Variants in TTC17 observed in about 807,000 individuals in gnomAD.
TTC17 encodes tetratricopeptide repeat domain 17, also known as tetratricopeptide repeat protein 17.
TTC17 carries 58 observed loss-of-function variants against 143.8 expected under a neutral mutation model. The ratio of observed to expected loss-of-function variants is 0.40; its 90% CI spans 0.33 to 0.50. The LOEUF (loss-of-function observed/expected upper bound fraction) is 0.50, where lower values mean the gene tolerates loss of function less well. Among genes scored for constraint, TTC17 ranks in the 20% least tolerant of loss-of-function variants. TTC17 has a pLI of 0.49. For synonymous variants in TTC17, 501 were observed against 497.8 expected, an observed-to-expected ratio of 1.01 and a Z score of -0.09; for missense variants, 1,273 against 1,392.5, an observed-to-expected ratio of 0.91 and a Z score of 1.37.
chr11:43,372,799 T>C (rs1433037828), intron 1 of TTC17, among the ~76,000 whole-genome samples: 1 of 152,054 alleles, frequency 6.6e-6, no homozygotes, highest in Non-Finnish European at 1.5e-5. Flanking sequence ...CCAAAAGTTT[T>C]AGTATAGGAT....
chr11:43,448,214 G>T, intron 19 of TTC17, 92 bp downstream of exon 19: 2 of 1,525,640 alleles, frequency 1.3e-6, no homozygotes, highest in African/African-American at 1.4e-5. Context: ...GCTAGTAGAA[G>T]AGTTATCCTT....
At chr11:43,397,028 A>G (rs185061077) in intron 6 of TTC17, 3 of 465,950 alleles carry the variant, frequency 6.4e-6, no homozygotes, top group East Asian at 3.1e-5. Context: ...TTCCATTTCC[A>G]TTAAGGAAAA....
At chr11:43,422,748 AT>A (rs1700847046) in intron 16 of TTC17, among the ~76,000 whole-genome samples, 1 of 152,066 alleles carries the variant, frequency 6.6e-6, no homozygotes, top group Non-Finnish European at 1.5e-5. Context: ...TAACATGGAG[AT>A]TGTTGGTAAT....
intron 16 of TTC17, among the ~76,000 whole-genome samples, chr11:43,435,903 T>C (rs1947281261): frequency 6.6e-6 from 1 of 152,222 alleles, no homozygotes; most frequent in Non-Finnish European, 1.5e-5. Flanking sequence ...TCTTGGGGCT[T>C]GATCTTTGTT....
At chr11:43,366,231 T>C (rs1933753356) in intron 1 of TTC17, among the ~76,000 whole-genome samples, 1 of 152,150 alleles carries the variant, frequency 6.6e-6, no homozygotes, top group South Asian at 2.1e-4. Flanking sequence ...CTATCATTAC[T>C]CTAATTCAGG....
chr11:43,445,092 C>T (rs747721229), intron 18 of TTC17, among the ~76,000 whole-genome samples: 2 of 152,074 alleles, frequency 1.3e-5, no homozygotes, highest in African/African-American at 2.4e-5. Flanking sequence ...CATAACACAT[C>T]TATGCTGCAT....
intron 16 of TTC17, among the ~76,000 whole-genome samples, chr11:43,442,577 T>C (rs1262718586): frequency 1.3e-5 from 2 of 152,212 alleles, no homozygotes; most frequent in Admixed American, 6.5e-5. Flanking sequence ...AAACTCGGGC[T>C]AATTTTGCCT....
Position 43,404,942 on chromosome 11 carries a change from G to A in TTC17, c.1480-572G>A, listed in dbSNP as rs185480466. Among the ~76,000 whole-genome samples, 402 of 152,188 alleles carry A rather than the reference G, an allele frequency of 2.6e-3. 1 individual carries two copies. Among genetic ancestry groups the A allele is most frequent in the African/African-American group, 9.4e-3 (390 of 41,526 alleles). Reference sequence around the variant, plus strand: ...TCAATGCCAGGTTTTATAGGCTTATGTATGCTTTCAGGTACAAGTCATAAG... The same window carrying A: ...TCAATGCCAGGTTTTATAGGCTTATATATGCTTTCAGGTACAAGTCATAAG... On this transcript the variant is annotated intron_variant, in intron 11 of 23. Coordinates refer to ENST00000039989, the MANE Select transcript of TTC17 (RefSeq NM_018259.6).
chr11:43,466,422 A>G (rs1590470250), intron 21 of TTC17: 1 of 161,004 alleles, frequency 6.2e-6, no homozygotes, highest in South Asian at 1.8e-4. Context: ...CTTCAACATC[A>G]CCATCAACAG....
At chr11:43,368,192 C>A (rs1346115466) in intron 1 of TTC17, among the ~76,000 whole-genome samples, 1 of 152,098 alleles carries the variant, frequency 6.6e-6, no homozygotes, top group Non-Finnish European at 1.5e-5. Context: ...CCCTTTTCTT[C>A]CCTCTGTACA....
At chr11:43,459,955 A>G (rs943178979) in intron 21 of TTC17, among the ~76,000 whole-genome samples, 1 of 152,184 alleles carries the variant, frequency 6.6e-6, no homozygotes, top group Non-Finnish European at 1.5e-5. Context: ...TACGTGTACT[A>G]TTCAACTTAA....
intron 16 of TTC17, among the ~76,000 whole-genome samples, chr11:43,428,948 T>A (rs919227739): frequency 1.3e-5 from 2 of 152,228 alleles, no homozygotes; most frequent in African/African-American, 4.8e-5. Flanking sequence ...AGTCAGCACA[T>A]AACCATTATT....
At chr11:43,393,645 T>C (rs1857473169) in intron 5 of TTC17, among the ~76,000 whole-genome samples, 1 of 152,174 alleles carries the variant, frequency 6.6e-6, no homozygotes, top group Non-Finnish European at 1.5e-5. Flanking sequence ...CTGAAAGATC[T>C]AACCCTCTGA....
chr11:43,467,200 A>G (rs1040294105), intron 21 of TTC17, among the ~76,000 whole-genome samples: 3 of 152,252 alleles, frequency 2.0e-5, no homozygotes, highest in Admixed American at 6.5e-5. Context: ...TGAAAGCAGA[A>G]TTCCAAAGAA....
At chr11:43,473,301 G>A (rs956302854) in intron 21 of TTC17, among the ~76,000 whole-genome samples, 3 of 152,152 alleles carry the variant, frequency 2.0e-5, no homozygotes, top group African/African-American at 7.2e-5. Flanking sequence ...GAATGATACA[G>A]TGTAAAAGAT....
At chr11:43,435,920 G>A (rs1947282244) in intron 16 of TTC17, among the ~76,000 whole-genome samples, 1 of 152,156 alleles carries the variant, frequency 6.6e-6, no homozygotes, top group Non-Finnish European at 1.5e-5. Flanking sequence ...TGTTGTTACA[G>A]TTGTTTTTCT....
chr11:43,360,159 A>G (rs1856039347), intron 1 of TTC17, among the ~76,000 whole-genome samples: 1 of 152,222 alleles, frequency 6.6e-6, no homozygotes, highest in Non-Finnish European at 1.5e-5. Flanking sequence ...TCCAACGTTT[A>G]AGGTGAGGTT....
chr11:43,426,602 T>C (rs2134665619), intron 16 of TTC17, among the ~76,000 whole-genome samples: 1 of 152,306 alleles, frequency 6.6e-6, no homozygotes, highest in Admixed American at 6.5e-5. Context: ...TTTTAAACTT[T>C]GGTTTGAATA....
At chr11:43,442,685 AT>A (rs1463845330) in intron 16 of TTC17, among the ~76,000 whole-genome samples, 1 of 152,200 alleles carries the variant, frequency 6.6e-6, no homozygotes, top group Non-Finnish European at 1.5e-5. Context: ...AGGAGAGAGA[AT>A]TTTTGCTAGG....
Sources: gnomAD v4.1 joint callset for allele counts (sites outside exome capture counted in the v4.1 genomes callset) on GRCh38, gnomAD v4.1.1 for gene constraint, MANE v1.5 for transcripts, NCBI Gene and HGNC (gene_info 2026-07-23, HGNC 2026-07-21) for gene names.